The following NAA11 variants were observed in gnomAD, a reference collection of about 807,000 sequenced individuals.
NAA11 encodes the protein N-alpha-acetyltransferase 11.
Under a neutral mutation model 16.1 loss-of-function variants are expected in NAA11, and 15 were observed. The observed-to-expected ratio is 0.93, with a 90% confidence interval of 0.62 to 1.44. NAA11 has a LOEUF of 1.44. Among genes scored for constraint, NAA11 ranks in the 40% most tolerant of loss-of-function variants. NAA11 has a pLI of 0.00. For synonymous variants in NAA11, 122 were observed against 112.4 expected, an observed-to-expected ratio of 1.09 and a Z score of -0.54; for missense variants, 298 against 291.3, an observed-to-expected ratio of 1.02 and a Z score of -0.17.
At chr4:79,192,948 T>C in the NAA11 span, among the ~76,000 whole-genome samples, 2 of 152,224 alleles carry the variant, frequency 1.3e-5, no homozygotes, top group African/African-American at 4.8e-5. Context: ...TATCTCATTG[T>C]GGTTTTGATT....
chr4:79,209,801 T>A, the NAA11 span, among the ~76,000 whole-genome samples: 1 of 152,076 alleles, frequency 6.6e-6, no homozygotes, highest in South Asian at 2.1e-4. Flanking sequence ...ATCCCAATAC[T>A]TTCAGAGATG....
intron 2 of NAA11, among the ~76,000 whole-genome samples, chr4:79,265,510 TTTC>T (rs1431763216): frequency 6.6e-6 from 1 of 152,170 alleles, no homozygotes; most frequent in Admixed American, 6.5e-5. Context: ...CCTATTGCAC[TTTC>T]TTTAGCTTAC....
chr4:79,274,164 G>T (rs1290568374), intron 2 of NAA11, among the ~76,000 whole-genome samples: 1 of 152,048 alleles, frequency 6.6e-6, no homozygotes, highest in Non-Finnish European at 1.5e-5. Flanking sequence ...CTTGGTAATG[G>T]AAAGCAATTA....
chr4:79,298,164 A>C (rs546491305), intron 1 of NAA11, among the ~76,000 whole-genome samples: 1 of 152,288 alleles, frequency 6.6e-6, no homozygotes, highest in African/African-American at 2.4e-5. Flanking sequence ...GGCTGCAGAA[A>C]GGAGCTGCCC....
At chr4:79,293,268 G>A (rs1372822485) in intron 2 of NAA11, among the ~76,000 whole-genome samples, 1 of 152,104 alleles carries the variant, frequency 6.6e-6, no homozygotes, top group East Asian at 1.9e-4. Flanking sequence ...TTACCTTAGT[G>A]TTTAAAAACA....
the NAA11 span, among the ~76,000 whole-genome samples, chr4:79,197,990 AT>A: frequency 0.78 from 118,202 of 151,824 alleles, 46,601 homozygotes; most frequent in East Asian, 0.89. Flanking sequence ...TTTAAAGGTA[AT>A]TTAGTTTCAG....
At chr4:79,190,012 G>T in the NAA11 span, among the ~76,000 whole-genome samples, 2 of 151,922 alleles carry the variant, frequency 1.3e-5, no homozygotes, top group Non-Finnish European at 2.9e-5. Context: ...TTGACATTGG[G>T]TAGCAAAACA....
At chr4:79,231,370 G>T (rs1353884869) in intron 2 of NAA11, among the ~76,000 whole-genome samples, 1 of 151,796 alleles carries the variant, frequency 6.6e-6, no homozygotes, top group Non-Finnish European at 1.5e-5. Flanking sequence ...ATACTAAAAA[G>T]GATATTTCAG....
chr4:79,306,212 G>A (rs770592876), intron 1 of NAA11, among the ~76,000 whole-genome samples: 7 of 152,210 alleles, frequency 4.6e-5, no homozygotes, highest in Non-Finnish European at 1.0e-4. Context: ...AAACAAGAAA[G>A]AGAACTGTAT....
At chr4:79,266,680 C>T (rs544085353) in intron 2 of NAA11, among the ~76,000 whole-genome samples, 80 of 152,240 alleles carry the variant, frequency 5.3e-4, no homozygotes, top group Middle Eastern at 3.4e-3. Flanking sequence ...CGTATTCTTC[C>T]GGTTGAAGGC....
chr4:79,182,278 G>C, the NAA11 span, among the ~76,000 whole-genome samples: 20 of 152,302 alleles, frequency 1.3e-4, no homozygotes, highest in African/African-American at 4.6e-4. Flanking sequence ...TATGTCTGTT[G>C]TGTATTCATG....
chr4:79,296,645 T>C (rs558908875), intron 1 of NAA11, among the ~76,000 whole-genome samples: 2 of 152,306 alleles, frequency 1.3e-5, no homozygotes, highest in South Asian at 2.1e-4. Context: ...TGCTCAAAAA[T>C]TGACCATGGA....
chr4:79,218,502 A>C, the NAA11 span, among the ~76,000 whole-genome samples: 1 of 152,046 alleles, frequency 6.6e-6, no homozygotes, highest in Non-Finnish European at 1.5e-5. Flanking sequence ...CTAATTTAAA[A>C]CCTAATAAAA....
the NAA11 span, among the ~76,000 whole-genome samples, chr4:79,217,525 T>C: frequency 1.3e-5 from 2 of 152,210 alleles, no homozygotes; most frequent in African/African-American, 4.8e-5. Flanking sequence ...ATGCAATCTT[T>C]AATCTTGTGT....
the NAA11 span, among the ~76,000 whole-genome samples, chr4:79,159,480 G>A: frequency 6.6e-6 from 1 of 152,112 alleles, no homozygotes; most frequent in Non-Finnish European, 1.5e-5. Flanking sequence ...CTACACTGCT[G>A]GTGAGAATGT....
chr4:79,324,419 G>A (rs1307731760), intron 1 of NAA11, among the ~76,000 whole-genome samples: 2 of 152,138 alleles, frequency 1.3e-5, no homozygotes, highest in East Asian at 3.9e-4. Context: ...TAGCAGTTGA[G>A]TTTAATGTAT....
intron 2 of NAA11, among the ~76,000 whole-genome samples, chr4:79,245,845 C>T (rs1045380533): frequency 4.6e-5 from 7 of 152,204 alleles, no homozygotes; most frequent in Non-Finnish European, 7.3e-5. Flanking sequence ...AAGTGAGGAG[C>T]CCCTCTGCCC....
the NAA11 span, among the ~76,000 whole-genome samples, chr4:79,182,144 C>G: frequency 2.0e-5 from 3 of 152,124 alleles, no homozygotes; most frequent in Non-Finnish European, 4.4e-5. Flanking sequence ...ATAGACCTGT[C>G]GGTTTTTCCC....
intron 1 of NAA11, among the ~76,000 whole-genome samples, chr4:79,321,056 T>C (rs1333867042): frequency 6.6e-6 from 1 of 152,186 alleles, no homozygotes; most frequent in African/African-American, 2.4e-5. Context: ...ATTAGTGGCA[T>C]AATGGCAGCA....
Sources: allele counts gnomAD v4.1 joint callset (sites outside exome capture counted in the v4.1 genomes callset), GRCh38; gene constraint gnomAD v4.1.1; transcripts MANE v1.5; gene names NCBI Gene and HGNC (gene_info 2026-07-23, HGNC 2026-07-21).